The following MIA3 variants were observed in gnomAD, a reference collection of about 807,000 sequenced individuals.
The protein encoded by MIA3 is transport and Golgi organization protein 1 homolog.
MIA3 carries 90 observed loss-of-function variants against 192.4 expected under a neutral mutation model. That is an observed-to-expected ratio of 0.47 (90% confidence interval 0.39 to 0.56). The LOEUF (loss-of-function observed/expected upper bound fraction) is 0.56. MIA3 is among the 20% of genes least tolerant of loss of function. MIA3 has a pLI of 0.00. For synonymous variants in MIA3, 740 were observed against 792.8 expected, an observed-to-expected ratio of 0.93 and a Z score of 1.12; for missense variants, 2,123 against 2,269.4, an observed-to-expected ratio of 0.94 and a Z score of 1.31.
rs764893679 is a variant in MIA3 at position 222,659,454 on chromosome 1, C to T, written c.4711C>T (p.Arg1571Trp). Residue 1571 changes from arginine to tryptophan, a missense_variant and splice_region_variant, in exon 20 of 28, where the codon CGG becomes TGG. By Grantham distance (101) the Arg-to-Trp change is moderately radical. Around this residue, in one of 3 missense-constraint regions of MIA3, gnomAD observed 762 missense variants for 856.4 expected, o/e 0.89. Coordinates refer to ENST00000344922, the MANE Select transcript of MIA3 (RefSeq NM_198551.4). ...GATAAAGCCAAGTGTAATTCTTAGGCGGAGAATTGAAGAAATGGAGGATGA... is the reference window on the plus strand; with the variant it reads ...GATAAAGCCAAGTGTAATTCTTAGGTGGAGAATTGAAGAAATGGAGGATGA... ...SAAEEVKTYK[R>W]RIEEMEDELQ... The T allele has an allele frequency of 5.4e-5, 87 of 1,613,144 alleles. No homozygotes were observed. Among genetic ancestry groups the T allele is most frequent in the Middle Eastern group, 3.3e-4 (2 of 6,078 alleles).
At chr1:222,650,985 T>C (rs1663400248) in intron 11 of MIA3, 82 bp downstream of exon 11, 2 of 800,912 alleles carry the variant, frequency 2.5e-6, no homozygotes, top group Non-Finnish European at 2.0e-6. Flanking sequence ...TTATTTTCCA[T>C]GCTGTTATGT....
chr1:222,638,389 T>C (rs1024780953), intron 6 of MIA3, among the ~76,000 whole-genome samples: 6 of 152,110 alleles, frequency 3.9e-5, no homozygotes, highest in African/African-American at 9.7e-5. Flanking sequence ...AAGGAGAAAT[T>C]AGTATTTTGA....
Position 222,662,268 on chromosome 1 carries a change from C to G in MIA3, c.5198C>G (p.Thr1733Arg). 1 of 1,613,826 alleles carries G rather than the reference C, an allele frequency of 6.2e-7. No homozygotes were observed. Among genetic ancestry groups the G allele is most frequent in the Non-Finnish European group, 8.5e-7 (1 of 1,179,790 alleles). ...KPSPSDPGSGTATMMNSSSRG... is the reference protein window; with the variant it reads ...KPSPSDPGSGRATMMNSSSRG... The stretch of plus-strand genomic sequence containing the variant: ...TCTTTAACAGATCCAGGATCTGGTA[C>G]AGCTACCATGATGAACAGCAGCTCA... The change falls in exon 26 of 28, where the codon ACA becomes AGA. Residue 1733 changes from threonine to arginine, a missense_variant. Physicochemically the swap from Thr to Arg is moderately conservative, Grantham distance 71. Transcript: ENST00000344922.
rs1036111907 is a variant in MIA3, at chr1:222,667,593, T to C, written c.*1974T>C. ...AACTGGTAAGCTGTAAAGATTCCAG[T>C]GTAGCTTCTCTGAGAAGTTGTGAGC... On this transcript the variant is annotated 3_prime_UTR_variant, in exon 28 of 28. Coordinates refer to ENST00000344922, the MANE Select transcript of MIA3 (RefSeq NM_198551.4). 2 of 152,172 alleles carry C rather than the reference T, an allele frequency of 1.3e-5. No individual in the cohort carries two copies. Among genetic ancestry groups the C allele is most frequent in the African/African-American group, 2.4e-5 (1 of 41,440 alleles). The allele number at this position is 152,172 out of a possible 1,614,324, so 9.4% of individuals were successfully genotyped here. A position where few individuals can be genotyped will look rare whatever the true frequency, so the allele number is the denominator to read the frequency against.
chr1:222,637,193 T>G (rs543746755), intron 6 of MIA3, among the ~76,000 whole-genome samples: 148 of 152,362 alleles, frequency 9.7e-4, no homozygotes, highest in Non-Finnish European at 1.9e-3. Flanking sequence ...TTCTAAGGTA[T>G]ATGATGGTCT....
intron 26 of MIA3, 91 bp downstream of exon 26, chr1:222,662,423 T>C: frequency 6.3e-7 from 1 of 1,591,816 alleles, no homozygotes; most frequent in Non-Finnish European, 8.6e-7. Context: ...ATTTGTGTGT[T>C]CTATCTGTAC....
intron 8 of MIA3, 105 bp from the exon 9 acceptor site, chr1:222,650,187 A>C (rs17465637): frequency 0.66 from 483,686 of 736,816 alleles, 165,801 homozygotes; most frequent in Non-Finnish European, 0.73. Context: ...CTGAGAAGTT[A>C]TTTTTTGTCA....
intron 15 of MIA3, 43 bp from the exon 16 acceptor site, chr1:222,654,200 C>T: frequency 6.4e-7 from 1 of 1,573,122 alleles, no homozygotes; most frequent in Non-Finnish European, 8.7e-7. Context: ...ATTTAAAAAG[C>T]AAGGGAAGAA....
chr1:222,662,534 G>C, intron 26 of MIA3: 2 of 1,364,090 alleles, frequency 1.5e-6, no homozygotes, highest in Non-Finnish European at 1.9e-6. Flanking sequence ...GTAGCAGTAA[G>C]TACTTAGAAG....
Position 222,665,873 on chromosome 1 carries a change from C to A in MIA3, c.*254C>A, listed in dbSNP as rs115300624. The A allele has an allele frequency of 5.7e-3, 2,005 of 352,266 alleles. 11 individuals are homozygous for A. Among genetic ancestry groups the A allele is most frequent in the Middle Eastern group, 0.028 (39 of 1,384 alleles). 21.8% of individuals were successfully genotyped at this position (352,266 alleles called of 1,614,324 possible). ...GCAATAAAGAATACCTGTGTTTTAG[C>A]TAATGTAGCATATGTAATTGCAAAA... On this transcript the variant is annotated 3_prime_UTR_variant, in exon 28 of 28. Transcript: ENST00000344922.
intron 18 of MIA3, among the ~76,000 whole-genome samples, chr1:222,655,067 A>G (rs550010555): frequency 6.6e-6 from 1 of 152,316 alleles, no homozygotes; most frequent in South Asian, 2.1e-4. Flanking sequence ...TCTTTTGAAG[A>G]TCTGGCCATG....
chr1:222,637,353 T>A (rs533350800), intron 6 of MIA3, among the ~76,000 whole-genome samples: 45 of 152,322 alleles, frequency 3.0e-4, no homozygotes, highest in African/African-American at 1.1e-3. Context: ...TGTACTTCCA[T>A]CAGGAGGCAT....
At chr1:222,648,948 T>C (rs1663281386) in intron 8 of MIA3, 98 bp downstream of exon 8, 1 of 790,372 alleles carries the variant, frequency 1.3e-6, no homozygotes, top group Non-Finnish European at 2.0e-6. Context: ...TTCTGATGTC[T>C]GACTGACTTA....
chr1:222,658,702 G>T lies in MIA3; in HGVS notation c.4608-20G>T. ...GGAGGAAAAGAGAAACACTTTCATT[G>T]ACAACCAGTTTTATCTTAGGAAACT... On this transcript the variant is annotated intron_variant, in intron 18 of 27. Coordinates refer to ENST00000344922, the MANE Select transcript of MIA3 (RefSeq NM_198551.4). 2 of 1,565,348 alleles carry T rather than the reference G, an allele frequency of 1.3e-6. No homozygotes were observed. The highest frequency in any genetic ancestry group is 2.3e-5 in the South Asian group (2 of 87,092).
intron 6 of MIA3, among the ~76,000 whole-genome samples, chr1:222,637,570 G>A (rs1406156154): frequency 6.6e-6 from 1 of 151,892 alleles, no homozygotes; most frequent in Non-Finnish European, 1.5e-5. Flanking sequence ...CAACTCATTC[G>A]TGGCATTATC....
Position 222,629,422 on chromosome 1 carries a change from A to G in MIA3, c.2202A>G (p.Glu734=), listed in dbSNP as rs760017647. The G allele has an allele frequency of 6.2e-7, 1 of 1,614,218 alleles. No individual in the cohort carries two copies. Among genetic ancestry groups the G allele is most frequent in the Admixed American group, 1.7e-5 (1 of 60,026 alleles). ...CCTCTGAAGAACTACTAGAGGATGAAAACGCTATAAATGCAAAACGGTCTA... is the reference window on the plus strand; with the variant it reads ...CCTCTGAAGAACTACTAGAGGATGAGAACGCTATAAATGCAAAACGGTCTA... The part of the protein sequence containing the change: ...DYPSEELLED[E]NAINAKRSKE... Residue 734 remains glutamate, a synonymous_variant, in exon 4 of 28, where the codon GAA becomes GAG. Transcript: ENST00000344922.
At chr1:222,623,363 G>A (rs1209869810) in intron 2 of MIA3, among the ~76,000 whole-genome samples, 1 of 150,854 alleles carries the variant, frequency 6.6e-6, no homozygotes, top group Non-Finnish European at 1.5e-5. Flanking sequence ...TAAATGTATT[G>A]TATTTCCCTT....
In MIA3 at chr1:222,667,269, T is replaced by C. The variant is rs768999155; in HGVS notation, c.*1650T>C. 1.4e-4 allele frequency: 22 copies of C among 152,138 alleles called. No homozygotes were observed. The highest frequency in any genetic ancestry group is 2.9e-4 in the Non-Finnish European group (20 of 67,994). 9.4% of individuals were successfully genotyped at this position (152,138 alleles called of 1,614,324 possible). ...ATGTCCTCCCGTTTAATATCAAGAA[T>C]AGAAGAAATTAAGAGGAAAACTCCA... On this transcript the variant is annotated 3_prime_UTR_variant, in exon 28 of 28. Coordinates refer to ENST00000344922, the MANE Select transcript of MIA3 (RefSeq NM_198551.4).
intron 11 of MIA3, 98 bp from the exon 12 acceptor site, chr1:222,651,879 T>C: frequency 1.3e-6 from 1 of 773,094 alleles, no homozygotes. Flanking sequence ...GGGATGGCTC[T>C]GGGACATACT....
Sources: gnomAD v4.1 joint callset for allele counts (sites outside exome capture counted in the v4.1 genomes callset) on GRCh38, gnomAD v4.1.1 for gene constraint, gnomAD v4.1.1 regional missense constraint, MANE v1.5 for transcripts, NCBI Gene and HGNC (gene_info 2026-07-23, HGNC 2026-07-21) for gene names.